The following SCUBE1 variants were observed in gnomAD, a reference collection of about 807,000 sequenced individuals.
SCUBE1 encodes signal peptide, CUB and EGF-like domain-containing protein 1.
A neutral mutation model predicts 124.4 loss-of-function variants in SCUBE1; 59 were observed. The ratio of observed to expected loss-of-function variants is 0.47; its 90% CI spans 0.38 to 0.59. The LOEUF (loss-of-function observed/expected upper bound fraction) is 0.59. Among genes scored for constraint, SCUBE1 ranks in the 20% least tolerant of loss-of-function variants. The pLI, the probability that SCUBE1 is intolerant of heterozygous loss-of-function variation, is 0.00. For missense variants in SCUBE1, 1,150 were observed against 1,371.2 expected, an observed-to-expected ratio of 0.84 and a Z score of 2.55; for synonymous variants, 545 against 550.9, an observed-to-expected ratio of 0.99 and a Z score of 0.15.
chr22:43,302,384 G>A (rs758224749), intron 3 of SCUBE1, among the ~76,000 whole-genome samples: 77 of 152,258 alleles, frequency 5.1e-4, no homozygotes, highest in Non-Finnish European at 9.6e-4. Context: ...AGAGGGAAGC[G>A]GTCTGGAGAC....
chr22:43,244,578 G>A (rs187344680), intron 6 of SCUBE1, among the ~76,000 whole-genome samples: 1 of 152,372 alleles, frequency 6.6e-6, no homozygotes, highest in East Asian at 1.9e-4. Context: ...CCTGGTGGAG[G>A]AGGCAGTGTG....
At chr22:43,245,750 C>A (rs975048186) in intron 6 of SCUBE1, among the ~76,000 whole-genome samples, 9 of 152,228 alleles carry the variant, frequency 5.9e-5, no homozygotes, top group African/African-American at 9.6e-5. Context: ...AAATAAAAGG[C>A]CCACAGGCCT....
chr22:43,209,335 G>A (rs67811042), intron 19 of SCUBE1, among the ~76,000 whole-genome samples: 5,869 of 152,264 alleles, frequency 0.039, 137 homozygotes, highest in South Asian at 0.058. Flanking sequence ...TCGCTCACAT[G>A]GGCACCCACA....
Position 43,209,291 on chromosome 22 carries a change from CT to C in SCUBE1, c.2581+751del, listed in dbSNP as rs757156191. On this transcript the variant is annotated intron_variant, in intron 19 of 21. Coordinates refer to ENST00000360835, the MANE Select transcript of SCUBE1 (RefSeq NM_173050.5). ...CCAGCGTCTGTGGGTGTCTGGGTTCCTGCTCTTCCTTCCCTAACACTCAGAC... is the reference window on the plus strand; with the variant it reads ...CCAGCGTCTGTGGGTGTCTGGGTTCCGCTCTTCCTTCCCTAACACTCAGAC... Among the ~76,000 whole-genome samples, 51 of 152,288 alleles carry C rather than the reference CT, an allele frequency of 3.3e-4. No homozygotes were observed. In the Middle Eastern group the frequency reaches 0.01, roughly 30 times the overall value.
intron 4 of SCUBE1, among the ~76,000 whole-genome samples, chr22:43,274,788 G>T (rs748646741): frequency 1.3e-5 from 2 of 152,246 alleles, no homozygotes; most frequent in African/African-American, 4.8e-5. Flanking sequence ...CAGAGCCACA[G>T]CCTGGGGCTG....
At chr22:43,282,135 G>A (rs1924939010) in intron 4 of SCUBE1, 1 of 152,792 alleles carries the variant, frequency 6.5e-6, no homozygotes, top group African/African-American at 2.4e-5. Context: ...TGGCCCCAGG[G>A]TCTCTGCTAG....
At chr22:43,319,558 CAAAAAAAA>C (rs35230785) in intron 3 of SCUBE1, among the ~76,000 whole-genome samples, 2 of 55,214 alleles carry the variant, frequency 3.6e-5, no homozygotes, top group South Asian at 8.0e-4. Flanking sequence ...GACTCCATCT[CAAAAAAAA>C]AAAAAAAAAA....
In SCUBE1 at chr22:43,229,128, C is replaced by T. The variant is rs369414144; in HGVS notation, c.1028G>A (p.Ser343Asn). ...CDHICINSPG[S>N]FQCLCHRGYI... ...GCCGCGGTGACACAGGCACTGGAAG[C>T]TGCCCGGGGAGTTGATGCAGATGTG... The change falls in exon 9 of 22, where the codon AGC (serine) becomes AAC (asparagine). Residue 343 changes from serine to asparagine, a missense_variant. This residue lies in a region of SCUBE1 where 337 missense variants were observed against 482.1 expected (regional missense o/e 0.70). Transcript: ENST00000360835. 6.2e-7 allele frequency: 1 copy of T among 1,614,020 alleles called. No individual in the cohort carries two copies. The highest frequency in any genetic ancestry group is 8.5e-7 in the Non-Finnish European group (1 of 1,180,020).
chr22:43,320,057 C>T lies in SCUBE1; in HGVS notation c.229G>A (p.Glu77Lys), dbSNP rs944045173. 3.7e-6 allele frequency: 6 copies of T among 1,613,842 alleles called. No individual in the cohort carries two copies. The highest frequency in any genetic ancestry group is 5.1e-6 in the Non-Finnish European group (6 of 1,179,928). ...CCATTGTAGTAGTCATTCTCACACT[C>T]GTCAATGTCTGCAAAAGGAAGGGCA... is the stretch of plus-strand genomic sequence containing the variant. ...GEGKQCEDID[E>K]CENDYYNGGC... Residue 77 changes from glutamate (E) to lysine (K), a missense_variant, in exon 3 of 22, where the codon GAG becomes AAG. Physicochemically the swap from Glu to Lys is moderately conservative, Grantham distance 56. Coordinates refer to ENST00000360835, the MANE Select transcript of SCUBE1 (RefSeq NM_173050.5).
At chr22:43,341,722 G>A (rs868675229) in intron 1 of SCUBE1, among the ~76,000 whole-genome samples, 1 of 152,288 alleles carries the variant, frequency 6.6e-6, no homozygotes, top group African/African-American at 2.4e-5. Context: ...GCTCCTGTCT[G>A]GGCTGGAGAC....
chr22:43,327,199 C>T (rs952265863), intron 2 of SCUBE1, among the ~76,000 whole-genome samples: 1 of 152,182 alleles, frequency 6.6e-6, no homozygotes, highest in Non-Finnish European at 1.5e-5. Context: ...ACCACCATGT[C>T]TATCTCACAG....
At chr22:43,308,149 T>C (rs1022726538) in intron 3 of SCUBE1, among the ~76,000 whole-genome samples, 2 of 152,064 alleles carry the variant, frequency 1.3e-5, no homozygotes, top group African/African-American at 2.4e-5. Flanking sequence ...AGGAAGCGAG[T>C]CTATAAAGAT....
chr22:43,343,125 C>T lies in SCUBE1; in HGVS notation c.88+49G>A, dbSNP rs1036369655. On this transcript the variant is annotated intron_variant, in intron 1 of 21. Coordinates refer to ENST00000360835, the MANE Select transcript of SCUBE1 (RefSeq NM_173050.5). ...AAGCCCTCCGGGACCGCGCCTCGGCCGCCCGAGCCCCCCGCGCCCGCCGCC... is the reference window on the plus strand; with the variant it reads ...AAGCCCTCCGGGACCGCGCCTCGGCTGCCCGAGCCCCCCGCGCCCGCCGCC... 35 of 987,702 alleles carry T rather than the reference C, an allele frequency of 3.5e-5. No individual in the cohort carries two copies. In the African/African-American group the frequency reaches 5.6e-4, roughly 16 times the overall value. The allele number at this position is 987,702 out of a possible 1,614,324, so 61.2% of individuals were successfully genotyped here.
At chr22:43,243,813 T>C (rs1343249640) in intron 6 of SCUBE1, among the ~76,000 whole-genome samples, 4 of 152,222 alleles carry the variant, frequency 2.6e-5, no homozygotes, top group Non-Finnish European at 5.9e-5. Context: ...GAACAGTGGA[T>C]GCGACAGTGC....
chr22:43,212,286 C>T (rs73163947), intron 17 of SCUBE1, 139 bp downstream of exon 17: 32 of 962,072 alleles, frequency 3.3e-5, no homozygotes, highest in Admixed American at 2.7e-4. Context: ...CCCACGCCCA[C>T]GCCTGACAGC....
chr22:43,236,517 G>A (rs1288629891), intron 7 of SCUBE1, among the ~76,000 whole-genome samples: 1 of 152,214 alleles, frequency 6.6e-6, no homozygotes, highest in African/African-American at 2.4e-5. Flanking sequence ...ACCTGGGTGT[G>A]AGCCTCCCCT....
chr22:43,291,995 C>G (rs953702271), intron 3 of SCUBE1, among the ~76,000 whole-genome samples: 1 of 152,084 alleles, frequency 6.6e-6, no homozygotes, highest in Non-Finnish European at 1.5e-5. Context: ...GCCAGACCCC[C>G]CACTCTAGGA....
intron 3 of SCUBE1, among the ~76,000 whole-genome samples, chr22:43,304,523 TC>T (rs1925893675): frequency 3.0e-5 from 1 of 33,030 alleles, no homozygotes; most frequent in Non-Finnish European, 6.5e-5. Context: ...GCAGAGAGCG[TC>T]TCTCTAAGCC....
At chr22:43,340,901 C>A (rs1927291030) in intron 1 of SCUBE1, among the ~76,000 whole-genome samples, 1 of 152,094 alleles carries the variant, frequency 6.6e-6, no homozygotes. Flanking sequence ...TTGCTGGGTC[C>A]CCAAGAGTGT....
Sources: gnomAD v4.1 joint callset for allele counts (sites outside exome capture counted in the v4.1 genomes callset) on GRCh38, gnomAD v4.1.1 for gene constraint, gnomAD v4.1.1 regional missense constraint, MANE v1.5 for transcripts, NCBI Gene and HGNC (gene_info 2026-07-23, HGNC 2026-07-21) for gene names.